Variants in CPAP observed in about 807,000 individuals in gnomAD.
CPAP encodes the protein centrosomal P4.1-associated protein.
the CPAP span, chr13:24,905,377 G>T: frequency 6.2e-7 from 1 of 1,614,020 alleles, no homozygotes; most frequent in South Asian, 1.1e-5. Flanking sequence ...TGTTTAACTT[G>T]AGTTCATTTC....
At chr13:24,912,835 C>T in the CPAP span, 1 of 1,614,170 alleles carries the variant, frequency 6.2e-7, no homozygotes, top group Non-Finnish European at 8.5e-7. Context: ...AAAGCTGAAG[C>T]TATCAGAAAA....
the CPAP span, among the ~76,000 whole-genome samples, chr13:24,891,184 T>TCAC: frequency 1.3e-5 from 2 of 151,968 alleles, no homozygotes; most frequent in Non-Finnish European, 2.9e-5. Flanking sequence ...ACACAGGTGG[T>TCAC]CACTCTCCTC....
chr13:24,905,367 T>C, the CPAP span: 3 of 1,614,160 alleles, frequency 1.9e-6, no homozygotes, highest in South Asian at 2.2e-5. Context: ...TCTTGACTTA[T>C]GTTTAACTTG....
the CPAP span, among the ~76,000 whole-genome samples, chr13:24,895,379 T>A: frequency 6.6e-6 from 1 of 151,826 alleles, no homozygotes; most frequent in Non-Finnish European, 1.5e-5. Flanking sequence ...ATCAAGACCA[T>A]CCTGGCTAAC....
the CPAP span, chr13:24,886,247 C>T: frequency 1.0e-4 from 124 of 1,185,970 alleles, no homozygotes; most frequent in Non-Finnish European, 1.3e-4. Flanking sequence ...GGAAGGGTCT[C>T]GAGCAAGTGC....
the CPAP span, among the ~76,000 whole-genome samples, chr13:24,932,175 C>T: frequency 6.6e-6 from 1 of 152,144 alleles, no homozygotes. Context: ...GAACAGCGAC[C>T]CCCAAACCGA....
the CPAP span, among the ~76,000 whole-genome samples, chr13:24,898,126 C>T: frequency 6.6e-6 from 1 of 152,282 alleles, no homozygotes; most frequent in South Asian, 2.1e-4. Context: ...GAACTCCTGA[C>T]CTCAAGCCAT....
chr13:24,917,122 C>T, the CPAP span, among the ~76,000 whole-genome samples: 3 of 151,972 alleles, frequency 2.0e-5, no homozygotes, highest in Non-Finnish European at 2.9e-5. Context: ...TGGTGGCGGG[C>T]ACCTGTAGTC....
chr13:24,885,778 C>T, the CPAP span: 1 of 800,836 alleles, frequency 1.2e-6, no homozygotes, highest in South Asian at 1.5e-5. Flanking sequence ...TGTCCTTTAT[C>T]CATTAGTTAA....
At chr13:24,904,271 C>T in the CPAP span, among the ~76,000 whole-genome samples, 230 of 152,236 alleles carry the variant, frequency 1.5e-3, no homozygotes, top group Middle Eastern at 3.4e-3. Context: ...TAATCTACCT[C>T]AAAAGAGTAT....
chr13:24,929,637 A>T, the CPAP span, among the ~76,000 whole-genome samples: 7 of 152,326 alleles, frequency 4.6e-5, no homozygotes, highest in African/African-American at 1.7e-4. Flanking sequence ...TGAGCTTATT[A>T]GAAGTGTTAC....
At chr13:24,885,504 A>G in the CPAP span, 1 of 1,196,566 alleles carries the variant, frequency 8.4e-7, no homozygotes, top group African/African-American at 1.5e-5. Context: ...GTTAAGTAAA[A>G]ACTCTTTTTT....
the CPAP span, among the ~76,000 whole-genome samples, chr13:24,933,766 C>T: frequency 1.3e-5 from 2 of 151,926 alleles, no homozygotes; most frequent in Admixed American, 1.3e-4. Flanking sequence ...ACTCTGTTGC[C>T]CAGGCTGGAG....
the CPAP span, among the ~76,000 whole-genome samples, chr13:24,894,783 C>T: frequency 6.6e-6 from 1 of 151,920 alleles, no homozygotes; most frequent in Non-Finnish European, 1.5e-5. Flanking sequence ...ATGACACGCC[C>T]TCGGGGTGCA....
chr13:24,908,293 C>T, the CPAP span, among the ~76,000 whole-genome samples: 7 of 151,766 alleles, frequency 4.6e-5, no homozygotes, highest in Admixed American at 2.6e-4. Context: ...AGAGAAACTA[C>T]AAAACTCCAA....
At chr13:24,899,617 A>C in the CPAP span, 3 of 1,571,466 alleles carry the variant, frequency 1.9e-6, no homozygotes, top group Non-Finnish European at 2.6e-6. Context: ...TCACCTAAGG[A>C]GACCATCTCA....
the CPAP span, among the ~76,000 whole-genome samples, chr13:24,911,243 C>T: frequency 7.9e-5 from 12 of 152,244 alleles, no homozygotes; most frequent in South Asian, 1.9e-3. Flanking sequence ...TTATGAGTCA[C>T]GATTTTAAAC....
At chr13:24,931,990 TC>T in the CPAP span, among the ~76,000 whole-genome samples, 1 of 152,102 alleles carries the variant, frequency 6.6e-6, no homozygotes, top group African/African-American at 2.4e-5. Flanking sequence ...TGAGGCCGGG[TC>T]CCGCTCCCCA....
the CPAP span, among the ~76,000 whole-genome samples, chr13:24,925,300 T>C: frequency 3.9e-5 from 6 of 152,134 alleles, no homozygotes; most frequent in Admixed American, 1.3e-4. Flanking sequence ...TTAATCAAAG[T>C]TGATCTGAGT....
Sources: allele counts gnomAD v4.1 joint callset (sites outside exome capture counted in the v4.1 genomes callset), GRCh38; gene constraint gnomAD v4.1.1; transcripts MANE v1.5; gene names NCBI Gene and HGNC (gene_info 2026-07-23, HGNC 2026-07-21).